The following MCF2L2 variants were observed in gnomAD, a reference collection of about 807,000 sequenced individuals.
MCF2L2 encodes probable guanine nucleotide exchange factor MCF2L2.
MCF2L2 carries 102 observed loss-of-function variants against 150.2 expected under a neutral mutation model. That is an observed-to-expected ratio of 0.68 (90% confidence interval 0.58 to 0.80). The LOEUF (loss-of-function observed/expected upper bound fraction) is 0.80. MCF2L2 is among the 30% of genes least tolerant of loss of function. MCF2L2 has a pLI of 0.00. For synonymous variants in MCF2L2, 465 were observed against 491.3 expected, an observed-to-expected ratio of 0.95 and a Z score of 0.71; for missense variants, 1,256 against 1,372.8, an observed-to-expected ratio of 0.91 and a Z score of 1.34.
At chr3:183,337,956 G>A (rs1178655948) in intron 5 of MCF2L2, among the ~76,000 whole-genome samples, 2 of 152,096 alleles carry the variant, frequency 1.3e-5, no homozygotes, top group Non-Finnish European at 2.9e-5. Context: ...AATTTTGAAT[G>A]TTTTAGTTTT....
chr3:183,389,572 C>T, intron 2 of MCF2L2, 124 bp downstream of exon 2: 2 of 773,060 alleles, frequency 2.6e-6, no homozygotes, highest in Admixed American at 4.3e-5. Context: ...CTGTTCTAGT[C>T]CCGGGTGAAG....
chr3:183,205,800 AT>A (rs1317997924), intron 25 of MCF2L2, 75 bp downstream of exon 25: 1 of 1,076,170 alleles, frequency 9.3e-7, no homozygotes, highest in African/African-American at 1.6e-5. Context: ...CTTTCACAAT[AT>A]CCCCAATTTG....
chr3:183,203,320 G>A (rs1008460222), intron 25 of MCF2L2, among the ~76,000 whole-genome samples: 1 of 152,204 alleles, frequency 6.6e-6, no homozygotes, highest in South Asian at 2.1e-4. Context: ...AAAGTTAAAG[G>A]AAATCATATA....
chr3:183,362,839 T>TA (rs1359800980), intron 3 of MCF2L2, among the ~76,000 whole-genome samples: 2 of 152,044 alleles, frequency 1.3e-5, no homozygotes, highest in Non-Finnish European at 2.9e-5. Flanking sequence ...AAAATTGGAA[T>TA]AAAAAATGTT....
At chr3:183,190,699 GCTGGACGACC>G (rs1292918585) in intron 27 of MCF2L2, among the ~76,000 whole-genome samples, 1 of 152,186 alleles carries the variant, frequency 6.6e-6, no homozygotes, top group Non-Finnish European at 1.5e-5. Flanking sequence ...GCATTTCCTG[GCTGGACGACC>G]CTGGGCAGCT....
chr3:183,314,997 A>T (rs1385314986), intron 7 of MCF2L2, among the ~76,000 whole-genome samples: 1 of 54,238 alleles, frequency 1.8e-5, no homozygotes, highest in African/African-American at 7.5e-5. Flanking sequence ...AGTGTAATGG[A>T]GTGATTTCAG....
intron 21 of MCF2L2, among the ~76,000 whole-genome samples, chr3:183,218,386 A>T (rs1055375914): frequency 6.6e-6 from 1 of 152,234 alleles, no homozygotes; most frequent in African/African-American, 2.4e-5. Context: ...CTGTAATCCC[A>T]GCACTTTGGG....
intron 1 of MCF2L2, among the ~76,000 whole-genome samples, chr3:183,406,480 G>GC (rs1715048922): frequency 6.6e-6 from 1 of 151,978 alleles, no homozygotes; most frequent in African/African-American, 2.4e-5. Context: ...TGTCAGATAT[G>GC]CTATTCACAA....
At chr3:183,381,281 C>T (rs1057203594) in intron 2 of MCF2L2, among the ~76,000 whole-genome samples, 2 of 152,064 alleles carry the variant, frequency 1.3e-5, no homozygotes, top group Non-Finnish European at 2.9e-5. Context: ...GATGTGTGGT[C>T]CACGAAGAAA....
In MCF2L2 at chr3:183,270,004, C is replaced by T. The variant is rs140831080; in HGVS notation, c.1862+6868G>A. 139 of 1,614,090 alleles carry T rather than the reference C, an allele frequency of 8.6e-5. No individual in the cohort carries two copies. The East Asian group carries it at 2.4e-3, about 28-fold the overall frequency. Reference sequence around the variant, plus strand: ...ACCCTGTCTCTTAAGCACACCTCAGCGGGGCCTCGCTACCAATACTTGATT... The same window carrying T: ...ACCCTGTCTCTTAAGCACACCTCAGTGGGGCCTCGCTACCAATACTTGATT... On this transcript the variant is annotated intron_variant, in intron 15 of 29. Transcript: ENST00000328913. The surrounding 1 kb of genome is among the most constrained non-coding windows in gnomAD (Gnocchi z 4.5).
At chr3:183,362,093 C>A (rs999670744) in intron 3 of MCF2L2, among the ~76,000 whole-genome samples, 2 of 150,112 alleles carry the variant, frequency 1.3e-5, no homozygotes, top group Non-Finnish European at 2.9e-5. Context: ...ATCTGAAATA[C>A]TTCTTGTCTC....
Position 183,338,909 on chromosome 3 carries a change from G to A in MCF2L2, c.377C>T (p.Pro126Leu), listed in dbSNP as rs1419114797. 2 of 1,597,358 alleles carry A rather than the reference G, an allele frequency of 1.3e-6. No homozygotes were observed. Among genetic ancestry groups the A allele is most frequent in the African/African-American group, 1.3e-5 (1 of 74,738 alleles). Residue 126 changes from proline (P) to leucine (L), a missense_variant, in exon 5 of 30, where the codon CCA becomes CTA. Coordinates refer to ENST00000328913, the MANE Select transcript of MCF2L2 (RefSeq NM_015078.4). ...ASLTRIAVAFPGNLQLIFILR... is the reference protein window; with the variant it reads ...ASLTRIAVAFLGNLQLIFILR... ...GATGAATATGAGCTGTAAGTTTCCT[G>A]GAAATGCCACCTGCAAGCATCAGGA...
At chr3:183,318,861 C>T (rs1560019425) in intron 6 of MCF2L2, among the ~76,000 whole-genome samples, 1 of 152,176 alleles carries the variant, frequency 6.6e-6, no homozygotes, top group Admixed American at 6.5e-5. Context: ...AAATGCTAAC[C>T]ATCTTCTGGG....
At chr3:183,196,950 T>C (rs1722102237) in intron 25 of MCF2L2, among the ~76,000 whole-genome samples, 2 of 152,160 alleles carry the variant, frequency 1.3e-5, no homozygotes, top group Admixed American at 1.3e-4. Flanking sequence ...CATATCTTCA[T>C]AACAAACTTG....
At chr3:183,190,389 C>T (rs1036078458) in intron 27 of MCF2L2, among the ~76,000 whole-genome samples, 3 of 152,206 alleles carry the variant, frequency 2.0e-5, no homozygotes, top group African/African-American at 7.2e-5. Flanking sequence ...GGGACCCCTC[C>T]TGCTACTAAC....
chr3:183,380,915 A>G (rs867995526), intron 2 of MCF2L2, among the ~76,000 whole-genome samples: 2 of 152,336 alleles, frequency 1.3e-5, no homozygotes, highest in Middle Eastern at 3.4e-3. Flanking sequence ...AGAAAAAATA[A>G]TATTTTAATT....
At chr3:183,348,074 T>C (rs1173462544) in intron 3 of MCF2L2, among the ~76,000 whole-genome samples, 4 of 152,122 alleles carry the variant, frequency 2.6e-5, no homozygotes, top group Non-Finnish European at 5.9e-5. Context: ...GGATTATAAA[T>C]CATTCTACTA....
intron 14 of MCF2L2, chr3:183,287,458 G>T (rs1389550067): frequency 2.0e-5 from 3 of 152,218 alleles, no homozygotes; most frequent in African/African-American, 7.2e-5. Context: ...TCTCCCAGAA[G>T]TCCAGGGTGC....
At chr3:183,207,866 T>C (rs751823196) in intron 22 of MCF2L2, 43 bp from the exon 23 acceptor site, 10 of 1,480,968 alleles carry the variant, frequency 6.8e-6, no homozygotes, top group Non-Finnish European at 9.3e-6. Flanking sequence ...GTAAAATTAC[T>C]TGACAGAGAA....
Sources: allele counts gnomAD v4.1 joint callset (sites outside exome capture counted in the v4.1 genomes callset), GRCh38; gene constraint gnomAD v4.1.1; non-coding constraint Gnocchi (gnomAD v3.1); transcripts MANE v1.5; gene names NCBI Gene and HGNC (gene_info 2026-07-23, HGNC 2026-07-21).